Variants in MRPL13 observed in about 807,000 individuals in gnomAD.
The protein encoded by MRPL13 is large ribosomal subunit protein uL13m.
In MRPL13, 33 loss-of-function variants were observed where a neutral mutation model predicts 29.0. The ratio of observed to expected loss-of-function variants is 1.14; its 90% CI spans 0.86 to 1.52. The LOEUF is 1.52. MRPL13 is among the 40% of genes most tolerant of loss of function. MRPL13 has a pLI of 0.00. For missense variants in MRPL13, 227 were observed against 216.7 expected (o/e 1.05, Z -0.30); for synonymous variants, 77 against 68.4 (o/e 1.13, Z -0.62).
At position 120,425,340 on chromosome 8, in the gene MRPL13, G is replaced by C; in HGVS notation, c.272C>G (p.Thr91Arg). 1 of 1,612,858 alleles carries C rather than the reference G, an allele frequency of 6.2e-7. No homozygotes were observed. Among genetic ancestry groups the C allele is most frequent in the Non-Finnish European group, 8.5e-7 (1 of 1,179,182 alleles). The change falls in exon 4 of 7, where the codon ACA (threonine) becomes AGA (arginine). Residue 91 changes from threonine (T) to arginine (R), a missense_variant. Thr to Arg is a moderately conservative substitution (Grantham distance 71). Coordinates refer to ENST00000306185, the MANE Select transcript of MRPL13 (RefSeq NM_014078.6). ...ATCCCTCAGGTGAAGCTGAGCAGCT[G>C]TTACTTGTCTAAATCCACCTGGGTA... Reference protein sequence around the residue: ...TGYPGGFRQVTAAQLHLRDPV... With the variant: ...TGYPGGFRQVRAAQLHLRDPV...
Position 120,433,172 on chromosome 8 carries a change from GAAT to G in MRPL13, c.152-1052_152-1050del, listed in dbSNP as rs1479124653. 3.3e-5 allele frequency among the ~76,000 whole-genome samples: 5 copies of G among 152,198 alleles called. No homozygotes were observed. In the East Asian group the frequency reaches 9.6e-4, roughly 29 times the overall value. On this transcript the variant is annotated intron_variant, in intron 2 of 6. Transcript: ENST00000306185. ...AAGCTTGCTGTTATTAGATGGAAAA[GAAT>G]AGTCTGACAATGTTTAATTAAATGG...
Position 120,414,007 on chromosome 8 carries a change from G to C in MRPL13, c.499C>G (p.Pro167Ala). 1 of 1,558,872 alleles carries C rather than the reference G, an allele frequency of 6.4e-7. No homozygotes were observed. The highest frequency in any genetic ancestry group is 1.3e-5 in the South Asian group (1 of 78,668). The change falls in exon 6 of 7, where the codon CCA becomes GCA. Residue 167 changes from proline (P) to alanine (A), a missense_variant. By Grantham distance (27) the Pro-to-Ala change is conservative (BLOSUM62 -1). Transcript: ENST00000306185. ...AACACTTACGGAGTCCACAATCTTG[G>C]GAAGGCGTCTATTTCTTCTTGTGTG... ...EYTQEEIDAF[P>A]RLWTPPEDYR... is the part of the protein sequence containing the mutation.
At chr8:120,411,841 C>G (rs574029190) in intron 6 of MRPL13, among the ~76,000 whole-genome samples, 1 of 152,032 alleles carries the variant, frequency 6.6e-6, no homozygotes, top group African/African-American at 2.4e-5. Context: ...TTAAAAATAG[C>G]TATAGAAAAG....
intron 5 of MRPL13, chr8:120,416,175 T>TAA (rs1812800085): frequency 6.6e-6 from 1 of 152,196 alleles, no homozygotes; most frequent in South Asian, 2.1e-4. Flanking sequence ...CCATGAATGC[T>TAA]AACTAAATGT....
In MRPL13 at chr8:120,419,982, G is replaced by A. The variant is rs201007256; in HGVS notation, c.307-44C>T. 121 of 1,302,354 alleles carry A rather than the reference G, an allele frequency of 9.3e-5. No homozygotes were observed. The African/African-American group carries it at 1.3e-3, about 14-fold the overall frequency. The allele number at this position is 1,302,354 out of a possible 1,614,324, so 80.7% of individuals were successfully genotyped here. A position where few individuals can be genotyped will look rare whatever the true frequency, so the allele number is the denominator to read the frequency against. On this transcript the variant is annotated intron_variant, in intron 4 of 6. Coordinates refer to ENST00000306185, the MANE Select transcript of MRPL13 (RefSeq NM_014078.6). The stretch of plus-strand genomic sequence containing the variant: ...ACACAATAAGAAAATTGTGACTTGC[G>A]ATAGTAAGAAAGCAAACATAATTAG...
In MRPL13 at chr8:120,434,307, G is replaced by T. The variant is rs528412182; in HGVS notation, c.152-2184C>A. On this transcript the variant is annotated intron_variant, in intron 2 of 6. Transcript: ENST00000306185. ...TTATTCAACATCTTCTACATGCAAA[G>T]CACTGAGCTAGGCATTTTATACTCA... 2.6e-5 allele frequency among the ~76,000 whole-genome samples: 4 copies of T among 152,196 alleles called. No individual in the cohort carries two copies. In the South Asian group the frequency reaches 8.3e-4, roughly 32 times the overall value.
intron 5 of MRPL13, 82 bp downstream of exon 5, chr8:120,419,770 C>A: frequency 9.6e-7 from 1 of 1,038,002 alleles, no homozygotes; most frequent in Non-Finnish European, 1.3e-6. Context: ...GAAAATAAGT[C>A]TGTGGCATTT....
intron 3 of MRPL13, among the ~76,000 whole-genome samples, chr8:120,429,353 G>A (rs572343581): frequency 5.3e-5 from 8 of 152,076 alleles, no homozygotes; most frequent in Non-Finnish European, 1.2e-4. Context: ...ATTGGAGGGT[G>A]GAGGGTGGGA....
chr8:120,436,595 A>G lies in MRPL13; in HGVS notation c.152-4472T>C, dbSNP rs557855393. ...TTGCAAATATTTTCTTCCAGTCTGTAGCTTGTTTTCTTCCCCTTTATAGGG... is the reference window on the plus strand; with the variant it reads ...TTGCAAATATTTTCTTCCAGTCTGTGGCTTGTTTTCTTCCCCTTTATAGGG... On this transcript the variant is annotated intron_variant, in intron 2 of 6. Coordinates refer to ENST00000306185, the MANE Select transcript of MRPL13 (RefSeq NM_014078.6). 4.6e-5 allele frequency among the ~76,000 whole-genome samples: 7 copies of G among 152,182 alleles called. 1 individual carries two copies. In the South Asian group the frequency reaches 1.4e-3, roughly 32 times the overall value.
chr8:120,431,568 T>A (rs1812996776), intron 3 of MRPL13, among the ~76,000 whole-genome samples: 1 of 151,978 alleles, frequency 6.6e-6, no homozygotes, highest in Admixed American at 6.6e-5. Flanking sequence ...AACTGAAAAA[T>A]GGAGGAGAGT....
chr8:120,432,853 T>G (rs1457090499), intron 2 of MRPL13, among the ~76,000 whole-genome samples: 1 of 152,016 alleles, frequency 6.6e-6, no homozygotes, highest in Non-Finnish European at 1.5e-5. Flanking sequence ...TGACTATACA[T>G]AACAAAATCA....
At chr8:120,406,267 G>A (rs1812666899) in intron 6 of MRPL13, among the ~76,000 whole-genome samples, 1 of 152,034 alleles carries the variant, frequency 6.6e-6, no homozygotes, top group South Asian at 2.1e-4. Context: ...ATCCAAAATT[G>A]TATATATTAG....
intron 3 of MRPL13, among the ~76,000 whole-genome samples, chr8:120,427,613 C>G (rs911162062): frequency 6.6e-6 from 1 of 152,046 alleles, no homozygotes. Context: ...AGGAATACAG[C>G]TAATTAGGGA....
intron 5 of MRPL13, among the ~76,000 whole-genome samples, chr8:120,417,439 G>T (rs1241418897): frequency 6.6e-6 from 1 of 152,096 alleles, no homozygotes; most frequent in Non-Finnish European, 1.5e-5. Context: ...GGTAATGATG[G>T]CTTTTCTAGT....
intron 3 of MRPL13, among the ~76,000 whole-genome samples, chr8:120,427,766 C>T (rs950121332): frequency 1.9e-4 from 29 of 152,024 alleles, no homozygotes; most frequent in African/African-American, 7.0e-4. Context: ...AAGTTCAAGA[C>T]CAGCCTGGGC....
intron 6 of MRPL13, among the ~76,000 whole-genome samples, chr8:120,410,674 A>G (rs1168873931): frequency 5.3e-5 from 8 of 152,228 alleles, no homozygotes; most frequent in Non-Finnish European, 1.2e-4. Flanking sequence ...TAGTCACATT[A>G]GCCACAGTGC....
At chr8:120,442,769 C>T (rs1813138814) in intron 2 of MRPL13, among the ~76,000 whole-genome samples, 2 of 152,080 alleles carry the variant, frequency 1.3e-5, no homozygotes, top group African/African-American at 4.8e-5. Context: ...GCTTCCCATA[C>T]CTAGCTAGCA....
At chr8:120,425,965 T>C (rs1812927287) in intron 3 of MRPL13, among the ~76,000 whole-genome samples, 1 of 152,128 alleles carries the variant, frequency 6.6e-6, no homozygotes, top group African/African-American at 2.4e-5. Flanking sequence ...GGAGGCAGCT[T>C]AGCTTCCAGA....
At chr8:120,416,310 C>T (rs954690107) in intron 5 of MRPL13, among the ~76,000 whole-genome samples, 5 of 151,868 alleles carry the variant, frequency 3.3e-5, no homozygotes, top group Admixed American at 2.0e-4. Context: ...CTGGCTAACA[C>T]GGTGAAACCC....
Sources: gnomAD v4.1 joint callset for allele counts (sites outside exome capture counted in the v4.1 genomes callset) on GRCh38, gnomAD v4.1.1 for gene constraint, MANE v1.5 for transcripts, NCBI Gene and HGNC (gene_info 2026-07-23, HGNC 2026-07-21) for gene names.